Variants in MCC observed in about 807,000 individuals in gnomAD.
The protein encoded by MCC is MCC regulator of Wnt signaling pathway, also known as colorectal mutant cancer protein.
MCC carries 90 observed loss-of-function variants against 116.2 expected under a neutral mutation model. The ratio of observed to expected loss-of-function variants is 0.77; its 90% CI spans 0.65 to 0.92. The LOEUF is 0.92. Ranked by LOEUF, MCC falls within the 40% of genes least tolerant of loss-of-function variation. The probability of loss-of-function intolerance (pLI) is 0.00; values close to 1 mark genes in which losing one functional copy is unlikely to be tolerated. For missense variants in MCC, 1,516 were observed against 1,312.2 expected (o/e 1.16, Z -2.40); for synonymous variants, 578 against 510.5 (o/e 1.13, Z -1.78).
intron 1 of MCC, among the ~76,000 whole-genome samples, chr5:113,397,909 A>C (rs1247141221): frequency 6.6e-6 from 1 of 152,274 alleles, no homozygotes; most frequent in Non-Finnish European, 1.5e-5. Flanking sequence ...GACAGCCTAC[A>C]GAATGGGAGA....
intron 3 of MCC, chr5:113,323,209 T>G (rs1581398964): frequency 6.6e-6 from 1 of 152,346 alleles, no homozygotes; most frequent in Non-Finnish European, 1.5e-5. Context: ...TGCCACCTCA[T>G]GAGAGACCTT....
chr5:113,355,367 C>A (rs1202737969), intron 2 of MCC, among the ~76,000 whole-genome samples: 3 of 152,164 alleles, frequency 2.0e-5, no homozygotes, highest in Non-Finnish European at 1.5e-5. Flanking sequence ...CATAGGTCAT[C>A]TCCTAAAGAG....
At chr5:113,042,818 A>G (rs1349524619) in intron 17 of MCC, among the ~76,000 whole-genome samples, 1 of 151,538 alleles carries the variant, frequency 6.6e-6, no homozygotes, top group African/African-American at 2.4e-5. Context: ...AATATTGACT[A>G]TATGTTAAAA....
intron 1 of MCC, among the ~76,000 whole-genome samples, chr5:113,388,253 T>C (rs532701790): frequency 6.6e-6 from 1 of 152,356 alleles, no homozygotes; most frequent in African/African-American, 2.4e-5. Context: ...TAAGTCAAAT[T>C]GTAAGTTTTA....
chr5:113,390,743 C>T (rs1769379825), intron 1 of MCC, among the ~76,000 whole-genome samples: 1 of 152,108 alleles, frequency 6.6e-6, no homozygotes, highest in Non-Finnish European at 1.5e-5. Context: ...AAATCCCAAA[C>T]CCAGTTGGAA....
chr5:113,031,362 T>C (rs937052236), intron 17 of MCC, among the ~76,000 whole-genome samples: 31 of 152,092 alleles, frequency 2.0e-4, no homozygotes, highest in African/African-American at 7.5e-4. Flanking sequence ...CAGCATTTCC[T>C]ACCAGCAGTG....
At chr5:113,109,776 GTAATT>G (rs1008621609) in intron 6 of MCC, among the ~76,000 whole-genome samples, 2 of 152,128 alleles carry the variant, frequency 1.3e-5, no homozygotes, top group Non-Finnish European at 2.9e-5. Context: ...TTGAAGTATT[GTAATT>G]TAATTAAAAA....
intron 1 of MCC, chr5:113,432,932 G>A (rs1770706063): frequency 6.6e-6 from 1 of 152,128 alleles, no homozygotes; most frequent in Non-Finnish European, 1.5e-5. Flanking sequence ...GTTTGAACAG[G>A]AGAAAGCCAG....
chr5:113,389,202 G>A (rs973934100), intron 1 of MCC, among the ~76,000 whole-genome samples: 1 of 152,164 alleles, frequency 6.6e-6, no homozygotes, highest in African/African-American at 2.4e-5. Context: ...AACTTGAATC[G>A]CAGGGTATTT....
chr5:113,262,123 A>G (rs17135514), intron 3 of MCC, among the ~76,000 whole-genome samples: 16,591 of 151,988 alleles, frequency 0.11, 1,419 homozygotes, highest in Admixed American at 0.25. Context: ...GTCCATGCAA[A>G]ACAAAGGGCC....
At position 113,063,010 on chromosome 5, in the gene MCC, T is replaced by C. The variant is rs548212125; in HGVS notation, c.2213+974A>G. On this transcript the variant is annotated intron_variant, in intron 14 of 18. Transcript: ENST00000408903. ...TTTTGTTATGTCATGAGATCCAATG[T>C]GGGAAGAACAATATGCTCGATGCTA... Among the ~76,000 whole-genome samples the C allele has an allele frequency of 6.6e-5, 10 of 152,334 alleles. No individual in the cohort carries two copies. The South Asian group carries it at 2.1e-3, about 32-fold the overall frequency.
At chr5:113,035,745 A>C (rs1751285367) in intron 17 of MCC, among the ~76,000 whole-genome samples, 1 of 152,304 alleles carries the variant, frequency 6.6e-6, no homozygotes, top group South Asian at 2.1e-4. Context: ...CATGTCCCAG[A>C]GCTAAGACAT....
intron 3 of MCC, among the ~76,000 whole-genome samples, chr5:113,323,569 G>C (rs1312398580): frequency 6.6e-6 from 1 of 152,236 alleles, no homozygotes; most frequent in Non-Finnish European, 1.5e-5. Context: ...AGTGTGGCCA[G>C]AGCAAATTCC....
chr5:113,206,827 A>G (rs1762933231), intron 3 of MCC, among the ~76,000 whole-genome samples: 1 of 152,236 alleles, frequency 6.6e-6, no homozygotes, highest in Non-Finnish European at 1.5e-5. Context: ...TAATATTTGT[A>G]TAACCCCTTA....
At chr5:113,347,337 G>A (rs1047959097) in intron 2 of MCC, among the ~76,000 whole-genome samples, 12 of 152,044 alleles carry the variant, frequency 7.9e-5, no homozygotes, top group Non-Finnish European at 1.5e-4. Flanking sequence ...GTTAAAAACT[G>A]GGGGGAAGAT....
intron 6 of MCC, among the ~76,000 whole-genome samples, chr5:113,108,455 C>A (rs1472721430): frequency 1.3e-5 from 2 of 150,856 alleles, no homozygotes; most frequent in African/African-American, 4.9e-5. Context: ...GAGTTTGAGA[C>A]CAGCCTGACC....
At chr5:113,207,548 T>C (rs1324058579) in intron 3 of MCC, among the ~76,000 whole-genome samples, 1 of 152,188 alleles carries the variant, frequency 6.6e-6, no homozygotes, top group Non-Finnish European at 1.5e-5. Flanking sequence ...ACAATACTTA[T>C]CTTTGTTCTT....
intron 1 of MCC, among the ~76,000 whole-genome samples, chr5:113,426,466 G>A (rs973972327): frequency 1.3e-5 from 2 of 152,166 alleles, no homozygotes; most frequent in Non-Finnish European, 2.9e-5. Flanking sequence ...TGCAGCCAAC[G>A]AAACAAACCC....
rs531606520 is a variant in MCC, at chr5:113,345,089, C to G, written c.416-4359G>C. Among the ~76,000 whole-genome samples, 80 of 152,184 alleles carry G rather than the reference C, an allele frequency of 5.3e-4. 2 individuals carry two copies. Among genetic ancestry groups the G allele is most frequent in the African/African-American group, 1.7e-3 (71 of 41,516 alleles). Reference sequence around the variant, plus strand: ...ATTCACCAAAAGCTGACTGAAGAGCCTTTGCACTTTAAGGGAACATTGACA... The same window carrying G: ...ATTCACCAAAAGCTGACTGAAGAGCGTTTGCACTTTAAGGGAACATTGACA... On this transcript the variant is annotated intron_variant, in intron 2 of 18. Coordinates refer to ENST00000408903, the MANE Select transcript of MCC (RefSeq NM_001085377.2).
Sources: gnomAD v4.1 joint callset for allele counts (sites outside exome capture counted in the v4.1 genomes callset) on GRCh38, gnomAD v4.1.1 for gene constraint, MANE v1.5 for transcripts, NCBI Gene and HGNC (gene_info 2026-07-23, HGNC 2026-07-21) for gene names.